The following FNBP1 variants were observed in gnomAD, a reference collection of about 807,000 sequenced individuals.
FNBP1 encodes formin binding protein 1.
A neutral mutation model predicts 90.6 loss-of-function variants in FNBP1; 26 were observed. That is an observed-to-expected ratio of 0.29 (90% CI 0.21 to 0.40). FNBP1 has a LOEUF of 0.40. FNBP1 is among the 10% of genes least tolerant of loss of function. The pLI is 1.00. For missense variants in FNBP1, 635 were observed against 768.0 expected (o/e 0.83, Z 2.05); for synonymous variants, 260 against 265.2 (o/e 0.98, Z 0.19).
At chr9:130,032,135 A>G (rs1247784292) in intron 1 of FNBP1, among the ~76,000 whole-genome samples, 1 of 151,896 alleles carries the variant, frequency 6.6e-6, no homozygotes, top group East Asian at 1.9e-4. Context: ...AACAATGTAA[A>G]TAGCCTATTT....
chr9:129,965,708 G>A (rs199629218), intron 4 of FNBP1, among the ~76,000 whole-genome samples: 5,641 of 145,470 alleles, frequency 0.039, 241 homozygotes, highest in African/African-American at 0.094. Flanking sequence ...GCGCGCGCGC[G>A]CACACACACA....
chr9:130,007,239 C>CAAAAAAAAAAAAAAAAAAAAA (rs72063140), intron 1 of FNBP1, among the ~76,000 whole-genome samples: 4 of 76,998 alleles, frequency 5.2e-5, no homozygotes, highest in Admixed American at 2.0e-4. Flanking sequence ...GAGATCCTGT[C>CAAAAAAAAAAAAAAAAAAAAA]AAAAAAAAAA....
intron 16 of FNBP1, chr9:129,895,278 G>A: frequency 5.7e-6 from 6 of 1,058,828 alleles, no homozygotes; most frequent in Non-Finnish European, 6.9e-6. Context: ...GCCAATATAA[G>A]AATCTTATTT....
intron 1 of FNBP1, among the ~76,000 whole-genome samples, chr9:130,029,333 C>T (rs1231848119): frequency 6.6e-6 from 1 of 152,070 alleles, no homozygotes. Context: ...AGGCTGGTGT[C>T]AAACTCCTGG....
At chr9:130,048,656 AT>A in the FNBP1 span, among the ~76,000 whole-genome samples, 13 of 136,234 alleles carry the variant, frequency 9.5e-5, no homozygotes, top group Non-Finnish European at 3.2e-5. Flanking sequence ...TTTTTTGTAC[AT>A]TTAGTAGAGA....
chr9:129,979,104 C>A (rs1414518441), intron 3 of FNBP1, among the ~76,000 whole-genome samples: 1 of 152,200 alleles, frequency 6.6e-6, no homozygotes, highest in Non-Finnish European at 1.5e-5. Context: ...CTAAAGTTTT[C>A]CTAATTACTT....
chr9:130,002,985 G>T (rs1564547668), intron 1 of FNBP1, among the ~76,000 whole-genome samples: 3 of 152,306 alleles, frequency 2.0e-5, no homozygotes, highest in Non-Finnish European at 4.4e-5. Flanking sequence ...GTTGAATGAA[G>T]AAAGTGTTAT....
At chr9:130,005,529 G>C (rs765710439) in intron 1 of FNBP1, among the ~76,000 whole-genome samples, 19 of 152,000 alleles carry the variant, frequency 1.3e-4, no homozygotes, top group Non-Finnish European at 2.4e-4. Flanking sequence ...TTTTAGTAGA[G>C]ATAGGATTTC....
Position 130,020,572 on chromosome 9 carries a change from A to G in FNBP1, c.24+22380T>C, listed in dbSNP as rs562432584. On this transcript the variant is annotated intron_variant, in intron 1 of 16. Transcript: ENST00000446176. ...CTGCCTATTTGAGAAAAGCAATACCATAACTTTAAAGCCACTGTTTCTGTA... is the reference window on the plus strand; with the variant it reads ...CTGCCTATTTGAGAAAAGCAATACCGTAACTTTAAAGCCACTGTTTCTGTA... 3.3e-5 allele frequency among the ~76,000 whole-genome samples: 5 copies of G among 152,256 alleles called. No homozygotes were observed. The East Asian group carries it at 9.7e-4, about 29-fold the overall frequency.
At chr9:129,941,546 G>A (rs2044327193) in intron 6 of FNBP1, among the ~76,000 whole-genome samples, 1 of 152,080 alleles carries the variant, frequency 6.6e-6, no homozygotes, top group African/African-American at 2.4e-5. Flanking sequence ...GCCCGCTGCA[G>A]CCTCAACTTC....
the FNBP1 span, among the ~76,000 whole-genome samples, chr9:130,048,623 C>T: frequency 4.0e-5 from 6 of 150,926 alleles, no homozygotes; most frequent in Admixed American, 1.3e-4. Flanking sequence ...GGACTACAGG[C>T]GCCCGCCATC....
intron 10 of FNBP1, among the ~76,000 whole-genome samples, chr9:129,922,691 C>T (rs990217817): frequency 2.0e-5 from 3 of 152,120 alleles, no homozygotes; most frequent in Non-Finnish European, 4.4e-5. Context: ...TTATCAACAT[C>T]TTATATAATC....
At chr9:129,954,297 A>G (rs1313132629) in intron 6 of FNBP1, among the ~76,000 whole-genome samples, 1 of 152,150 alleles carries the variant, frequency 6.6e-6, no homozygotes, top group Non-Finnish European at 1.5e-5. Flanking sequence ...TACGCAAAGA[A>G]GTATCATAAA....
rs367765226 is a variant in FNBP1, at chr9:129,903,856, G to A, written c.1296-855C>T. Among the ~76,000 whole-genome samples the A allele has an allele frequency of 1.4e-4, 21 of 152,160 alleles. No individual in the cohort carries two copies. The East Asian group carries it at 2.9e-3, about 21-fold the overall frequency. On this transcript the variant is annotated intron_variant, in intron 12 of 16. Coordinates refer to ENST00000446176, the MANE Select transcript of FNBP1 (RefSeq NM_015033.3). ...TCAAAACCCAAGTATTTCCAACATG[G>A]TGAAACCCCGTCTCTACTAAAATTA...
rs748110870 is a variant in FNBP1, at chr9:129,925,107, T to C, written c.840A>G (p.Gly280=). The C allele has an allele frequency of 6.2e-7, 1 of 1,613,796 alleles. No homozygotes were observed. Among genetic ancestry groups the C allele is most frequent in the East Asian group, 2.2e-5 (1 of 44,896 alleles). Residue 280 remains glycine, a synonymous_variant, in exon 9 of 17, where the codon GGA becomes GGG. Transcript: ENST00000446176. The part of the protein sequence containing the change: ...EAYKSGFEPP[G]DIEFEDYTQP... The stretch of plus-strand genomic sequence containing the variant: ...GAGTGTAATCCTCAAATTCAATGTC[T>C]CCAGGAGGCTCAAACCCTGATTTAT...
chr9:130,021,510 T>C (rs1224326939), intron 1 of FNBP1, among the ~76,000 whole-genome samples: 1 of 152,226 alleles, frequency 6.6e-6, no homozygotes, highest in Non-Finnish European at 1.5e-5. Flanking sequence ...CTGGTTTTAG[T>C]AGATAGCTTA....
chr9:130,037,635 T>C (rs1411543859), intron 1 of FNBP1, among the ~76,000 whole-genome samples: 1 of 152,076 alleles, frequency 6.6e-6, no homozygotes, highest in Non-Finnish European at 1.5e-5. Flanking sequence ...AACCCTACTT[T>C]AAAGGCAAAA....
chr9:129,992,742 C>T (rs1379706697), intron 2 of FNBP1, among the ~76,000 whole-genome samples: 1 of 149,104 alleles, frequency 6.7e-6, no homozygotes, highest in Non-Finnish European at 1.5e-5. Flanking sequence ...TTAGTGGAGA[C>T]GGGGTTTCAC....
chr9:129,975,848 A>T (rs1307594743), intron 4 of FNBP1, among the ~76,000 whole-genome samples: 1 of 137,802 alleles, frequency 7.3e-6, no homozygotes, highest in African/African-American at 2.6e-5. Context: ...GGTTGTGGTT[A>T]GGCGAGATCG....
Sources: allele counts gnomAD v4.1 joint callset (sites outside exome capture counted in the v4.1 genomes callset), GRCh38; gene constraint gnomAD v4.1.1; transcripts MANE v1.5; gene names NCBI Gene and HGNC (gene_info 2026-07-23, HGNC 2026-07-21).